HERC1: variants seen among roughly 807,000 people sequenced by gnomAD.
HERC1 encodes the protein HECT and RLD domain containing E3 ubiquitin protein ligase family member 1.
HERC1 carries 160 observed loss-of-function variants against 554.3 expected under a neutral mutation model. That is an observed-to-expected ratio of 0.29 (90% CI 0.25 to 0.33). The LOEUF is 0.33. Among genes scored for constraint, HERC1 ranks in the 10% least tolerant of loss-of-function variants. The pLI, the probability that HERC1 is intolerant of heterozygous loss-of-function variation, is 1.00. For missense variants in HERC1, 4,919 were observed against 5,918.5 expected (o/e 0.83, Z 5.54); for synonymous variants, 2,175 against 2,131.7 (o/e 1.02, Z -0.56).
Position 63,749,574 on chromosome 15 carries a change from A to G in HERC1, c.2048-36T>C. The G allele has an allele frequency of 1.3e-5, 20 of 1,573,406 alleles. No individual in the cohort carries two copies. The highest frequency in any genetic ancestry group is 1.6e-5 in the Non-Finnish European group (19 of 1,161,390). On this transcript the variant is annotated intron_variant, in intron 9 of 77. Transcript: ENST00000443617. This position sits in a 1 kb window ranked among gnomAD's most constrained non-coding sequence, Gnocchi z 4.1. ...AATATAAAGTATTATATAAAAGAAA[A>G]GCCAAATTCAAATGTAATATATTTA...
At chr15:63,820,087 T>A (rs1403319433) in intron 1 of HERC1, among the ~76,000 whole-genome samples, 1 of 152,154 alleles carries the variant, frequency 6.6e-6, no homozygotes, top group Non-Finnish European at 1.5e-5. Context: ...CAAAACTTCA[T>A]GTAGCACACA....
At chr15:63,795,663 A>G (rs2076789955) in intron 1 of HERC1, among the ~76,000 whole-genome samples, 1 of 152,176 alleles carries the variant, frequency 6.6e-6, no homozygotes, top group Non-Finnish European at 1.5e-5. Flanking sequence ...TTACTCAGCA[A>G]GGCCATTTTT....
chr15:63,760,435 C>CAAAAAAAAA (rs34164820), intron 3 of HERC1, among the ~76,000 whole-genome samples: 18 of 91,312 alleles, frequency 2.0e-4, no homozygotes, highest in African/African-American at 2.6e-4. Context: ...AGACACCATC[C>CAAAAAAAAA]AAAAAAAAAA....
rs564144230 is a variant in HERC1 at position 63,748,698 on chromosome 15, TA to T, written c.2219+668del. 2.0e-5 allele frequency among the ~76,000 whole-genome samples: 3 copies of T among 152,326 alleles called. No individual in the cohort carries two copies. In the South Asian group the frequency reaches 6.2e-4, roughly 32 times the overall value. ...TGTTAGAGGAATAACTATTGATAAA[TA>T]TTTTTAATTGGTTAGAGTATCATTT... On this transcript the variant is annotated intron_variant, in intron 10 of 77. Transcript: ENST00000443617.
At chr15:63,619,711 G>T (rs1178048515) in intron 74 of HERC1, among the ~76,000 whole-genome samples, 2 of 152,092 alleles carry the variant, frequency 1.3e-5, no homozygotes, top group African/African-American at 4.8e-5. Flanking sequence ...CTTCTTCCTG[G>T]TTTAGTCTTG....
chr15:63,827,343 G>A (rs141975386), intron 1 of HERC1, among the ~76,000 whole-genome samples: 252 of 151,980 alleles, frequency 1.7e-3, no homozygotes, highest in African/African-American at 5.8e-3. Flanking sequence ...GATCGCTTAA[G>A]CCCAGGGGAT....
rs2152767511 is a variant in HERC1 at position 63,624,166 on chromosome 15, T to C, written c.13437A>G (p.Ile4479Met). ...NYGPQITVKR[I>M]STRGRKCKPI... ...CACATACATATGCTAACCTGGTTGA[T>C]ATCCTCTTTACAGTTATCTGAGGTC... The change falls in exon 72 of 78, where the codon ATA becomes ATG. Residue 4479 changes from isoleucine to methionine, a missense_variant. By Grantham distance (10) the Ile-to-Met change is conservative. Around this residue, in one of 11 missense-constraint regions of HERC1, gnomAD observed 410 missense variants for 467.0 expected, o/e 0.88. Transcript: ENST00000443617. The C allele has an allele frequency of 1.9e-6, 3 of 1,610,496 alleles. No individual in the cohort carries two copies. The highest frequency in any genetic ancestry group is 2.2e-5 in the South Asian group (2 of 90,480).
chr15:63,643,380 T>C (rs1285396030), intron 58 of HERC1, 24 bp downstream of exon 58: 1 of 1,592,626 alleles, frequency 6.3e-7, no homozygotes, highest in Non-Finnish European at 8.5e-7. Context: ...TTCCTTAACA[T>C]AAAAATAAAA....
chr15:63,790,125 G>T (rs952618430), intron 1 of HERC1, among the ~76,000 whole-genome samples: 4 of 152,078 alleles, frequency 2.6e-5, no homozygotes, highest in Non-Finnish European at 5.9e-5. Context: ...CTCTATCATT[G>T]CCATGAGGGC....
chr15:63,649,404 T>C (rs975018729), intron 54 of HERC1, among the ~76,000 whole-genome samples: 2 of 152,076 alleles, frequency 1.3e-5, no homozygotes, highest in Admixed American at 6.5e-5. Context: ...TCTCTACCAA[T>C]GATTATGACC....
intron 1 of HERC1, among the ~76,000 whole-genome samples, chr15:63,782,922 A>C (rs1246158607): frequency 8.5e-5 from 13 of 152,258 alleles, no homozygotes; most frequent in Non-Finnish European, 1.8e-4. Flanking sequence ...AAGTAGAATT[A>C]GAAGTGGAGC....
chr15:63,710,038 G>A (rs2073215212), intron 24 of HERC1, among the ~76,000 whole-genome samples: 1 of 152,182 alleles, frequency 6.6e-6, no homozygotes, highest in Admixed American at 6.5e-5. Context: ...GTATGCTTGG[G>A]GTCTGGCAGA....
In HERC1 at chr15:63,754,540, C is replaced by T. The variant is rs1467389567; in HGVS notation, c.1739G>A (p.Gly580Glu). Residue 580 changes from glycine (G) to glutamate (E), a missense_variant, in exon 7 of 78, where the codon GGG becomes GAG. By Grantham distance (98) the Gly-to-Glu change is moderately conservative. This residue lies in a region of HERC1 where 744 missense variants were observed against 1,090.0 expected (regional missense o/e 0.68). Coordinates refer to ENST00000443617, the MANE Select transcript of HERC1 (RefSeq NM_003922.4). ...SSHTIALSKD[G>E]RTVWSFGGGD... is the part of the protein sequence containing the mutation. Reference sequence around the variant, plus strand: ...TCCTCCAAAAGACCATACAGTTCTCCCATCTTTAGACAGAGCAATAGTATG... The same window carrying T: ...TCCTCCAAAAGACCATACAGTTCTCTCATCTTTAGACAGAGCAATAGTATG... 1 of 1,611,916 alleles carries T rather than the reference C, an allele frequency of 6.2e-7. No individual in the cohort carries two copies. The highest frequency in any genetic ancestry group is 1.1e-5 in the South Asian group (1 of 90,572).
rs1295267581 is a variant in HERC1, at chr15:63,727,847, G to A, written c.3155-9C>T. ...TGAGACGTATATCACATCTATGAAG[G>A]GCAAGAAATTAAACATGGGACAATT... is the stretch of plus-strand genomic sequence containing the variant. On this transcript the variant is annotated splice_polypyrimidine_tract_variant and intron_variant, in intron 16 of 77. Transcript: ENST00000443617. This position sits in a 1 kb window ranked among gnomAD's most constrained non-coding sequence, Gnocchi z 4.3. 1 of 1,604,070 alleles carries A rather than the reference G, an allele frequency of 6.2e-7. No individual in the cohort carries two copies. The highest frequency in any genetic ancestry group is 2.2e-5 in the East Asian group (1 of 44,806).
chr15:63,647,997 CTG>C, intron 55 of HERC1, 70 bp downstream of exon 55: 1 of 1,199,778 alleles, frequency 8.3e-7, no homozygotes, highest in Non-Finnish European at 1.2e-6. Context: ...GACTTCTCCA[CTG>C]TGTAATCTAT....
chr15:63,832,507 C>T (rs1327403582), intron 1 of HERC1, among the ~76,000 whole-genome samples: 1 of 152,178 alleles, frequency 6.6e-6, no homozygotes, highest in African/African-American at 2.4e-5. Flanking sequence ...TAGGTTTCTT[C>T]CCACTATGAA....
In HERC1 at chr15:63,725,283, G is replaced by C; in HGVS notation, c.3568+9C>G. The C allele has an allele frequency of 1.2e-6, 2 of 1,608,790 alleles. No individual in the cohort carries two copies. Among genetic ancestry groups the C allele is most frequent in the Non-Finnish European group, 1.7e-6 (2 of 1,175,706 alleles). On this transcript the variant is annotated intron_variant, in intron 18 of 77. Coordinates refer to ENST00000443617, the MANE Select transcript of HERC1 (RefSeq NM_003922.4). ...CATGTATTTTAAATGCTGCAGAGAA[G>C]CACATTACCCAATTGAGGAGTGTCC... is the stretch of plus-strand genomic sequence containing the variant.
chr15:63,642,065 C>T (rs1258346827), intron 59 of HERC1, among the ~76,000 whole-genome samples: 1 of 152,156 alleles, frequency 6.6e-6, no homozygotes, highest in Non-Finnish European at 1.5e-5. Context: ...TCTGATTCTA[C>T]ATTTTACTTG....
At chr15:63,702,782 G>T (rs1287040046) in intron 25 of HERC1, among the ~76,000 whole-genome samples, 1 of 152,158 alleles carries the variant, frequency 6.6e-6, no homozygotes, top group Non-Finnish European at 1.5e-5. Context: ...GTGCTAAGCA[G>T]AAGAAATGTT....
Sources: gnomAD v4.1 joint callset for allele counts (sites outside exome capture counted in the v4.1 genomes callset) on GRCh38, gnomAD v4.1.1 for gene constraint, gnomAD v4.1.1 regional missense constraint, Gnocchi (gnomAD v3.1) non-coding constraint, MANE v1.5 for transcripts, NCBI Gene and HGNC (gene_info 2026-07-23, HGNC 2026-07-21) for gene names.